ALK: variants seen among roughly 807,000 people sequenced by gnomAD.
The protein encoded by ALK is ALK tyrosine kinase receptor.
ALK carries 74 observed loss-of-function variants against 163.1 expected under a neutral mutation model. That is an observed-to-expected ratio of 0.45 (90% CI 0.38 to 0.55). ALK has a LOEUF of 0.55. ALK is among the 20% of genes least tolerant of loss of function. The probability of loss-of-function intolerance (pLI) is 0.00; values close to 1 mark genes in which losing one functional copy is unlikely to be tolerated. For missense variants in ALK, 2,063 were observed against 2,105.3 expected, an observed-to-expected ratio of 0.98 and a Z score of 0.39; for synonymous variants, 960 against 843.2, an observed-to-expected ratio of 1.14 and a Z score of -2.40.
At chr2:29,432,055 GC>G (rs1670285317) in intron 4 of ALK, among the ~76,000 whole-genome samples, 1 of 152,038 alleles carries the variant, frequency 6.6e-6, no homozygotes, top group Admixed American at 6.6e-5. Flanking sequence ...GAATGCCCCT[GC>G]CCTGCTACCA....
intron 1 of ALK, among the ~76,000 whole-genome samples, chr2:29,900,044 A>G (rs1667373676): frequency 1.3e-5 from 2 of 152,146 alleles, no homozygotes; most frequent in South Asian, 4.1e-4. Flanking sequence ...TTGACCTAAA[A>G]TCCTCACTAT....
chr2:29,208,044 C>G, intron 25 of ALK: 1 of 454,042 alleles, frequency 2.2e-6, no homozygotes. Flanking sequence ...GTATCAGGTA[C>G]TCTGCCATGT....
intron 5 of ALK, among the ~76,000 whole-genome samples, chr2:29,339,449 G>A (rs560995611): frequency 6.6e-6 from 1 of 152,308 alleles, no homozygotes; most frequent in Admixed American, 6.5e-5. Flanking sequence ...GTTATGAGGG[G>A]TGGCTGCGGA....
intron 11 of ALK, among the ~76,000 whole-genome samples, chr2:29,253,160 T>C (rs1218070505): frequency 6.6e-6 from 1 of 152,190 alleles, no homozygotes; most frequent in Non-Finnish European, 1.5e-5. Context: ...GCCCATCCTC[T>C]ATTTTTATTA....
chr2:29,841,305 A>AAACACTTATAGCTTTAT (rs1257211143), intron 1 of ALK, among the ~76,000 whole-genome samples: 1 of 152,228 alleles, frequency 6.6e-6, no homozygotes, highest in African/African-American at 2.4e-5. Flanking sequence ...GTGTTTTATA[A>AAACACTTATAGCTTTAT]AGCTCTATCA....
At chr2:29,610,723 T>C (rs138453242) in intron 3 of ALK, among the ~76,000 whole-genome samples, 1 of 152,184 alleles carries the variant, frequency 6.6e-6, no homozygotes, top group African/African-American at 2.4e-5. Context: ...AATGTTACTC[T>C]GTATCTCATT....
intron 4 of ALK, among the ~76,000 whole-genome samples, chr2:29,448,174 C>T (rs78795908): frequency 0.013 from 2,045 of 152,270 alleles, 31 homozygotes; most frequent in Non-Finnish European, 0.02. Flanking sequence ...CAGTTCGAAT[C>T]AAATCTCTAA....
At chr2:29,253,459 T>C (rs1664873792) in intron 11 of ALK, among the ~76,000 whole-genome samples, 2 of 152,166 alleles carry the variant, frequency 1.3e-5, no homozygotes, top group Admixed American at 1.3e-4. Context: ...GTAGGAAATT[T>C]CGCTGCTAAG....
chr2:29,850,997 C>T lies in ALK; in HGVS notation c.667+68996G>A, dbSNP rs148142043. On this transcript the variant is annotated intron_variant, in intron 1 of 28. Coordinates refer to ENST00000389048, the MANE Select transcript of ALK (RefSeq NM_004304.5). The stretch of plus-strand genomic sequence containing the variant: ...TGTCCTCTCACCCAGCTTCTCAATC[C>T]CCTGAAAGGAGTTGCGTAACTTTCT... 4.0e-3 allele frequency among the ~76,000 whole-genome samples: 604 copies of T among 152,292 alleles called. 1 individual carries two copies. Among genetic ancestry groups the T allele is most frequent in the Non-Finnish European group, 5.6e-3 (378 of 68,028 alleles).
chr2:29,368,953 TAAAC>T (rs1367259943), intron 5 of ALK, among the ~76,000 whole-genome samples: 1 of 152,086 alleles, frequency 6.6e-6, no homozygotes, highest in Non-Finnish European at 1.5e-5. Context: ...GCAAAACAAA[TAAAC>T]AAACATACAT....
intron 7 of ALK, among the ~76,000 whole-genome samples, chr2:29,319,693 G>A (rs977096518): frequency 2.6e-5 from 4 of 152,232 alleles, no homozygotes; most frequent in Admixed American, 2.6e-4. Context: ...GCGGTATTCC[G>A]CAGGGCTGGA....
rs980117292 is a variant in ALK at position 29,222,715 on chromosome 2, C to T, written c.3360-108G>A. The T allele has an allele frequency of 1.7e-5, 16 of 917,790 alleles. No individual in the cohort carries two copies. The African/African-American group carries it at 2.3e-4, about 13-fold the overall frequency. 56.9% of individuals were successfully genotyped at this position (917,790 alleles called of 1,614,324 possible). A position where few individuals can be genotyped will look rare whatever the true frequency, so the allele number is the denominator to read the frequency against. On this transcript the variant is annotated intron_variant, in intron 20 of 28. Coordinates refer to ENST00000389048, the MANE Select transcript of ALK (RefSeq NM_004304.5). ...ACATTTAGTGGACAAACACGAGAGG[C>T]GGGGGTAACATACACACTCAGGAGT... is the stretch of plus-strand genomic sequence containing the variant.
At chr2:29,442,922 G>A (rs1670582608) in intron 4 of ALK, among the ~76,000 whole-genome samples, 1 of 152,176 alleles carries the variant, frequency 6.6e-6, no homozygotes, top group African/African-American at 2.4e-5. Context: ...ACCTGAAAGG[G>A]ACAAAGCGTG....
chr2:29,342,821 G>T (rs186711781), intron 5 of ALK, among the ~76,000 whole-genome samples: 9 of 151,174 alleles, frequency 6.0e-5, no homozygotes, highest in Admixed American at 5.9e-4. Context: ...GAACTACAGT[G>T]CCCTGGCAGT....
intron 1 of ALK, among the ~76,000 whole-genome samples, chr2:29,861,033 A>G (rs962140129): frequency 1.3e-5 from 2 of 152,234 alleles, no homozygotes; most frequent in East Asian, 3.9e-4. Flanking sequence ...GTGGTTGGGT[A>G]TGGTGGCATG....
At chr2:29,255,581 T>C (rs769643343) in intron 11 of ALK, among the ~76,000 whole-genome samples, 2 of 152,160 alleles carry the variant, frequency 1.3e-5, no homozygotes, top group African/African-American at 2.4e-5. Context: ...CCTATCAGTA[T>C]TGGAGAAGGA....
chr2:29,349,351 C>A (rs748023054), intron 5 of ALK, among the ~76,000 whole-genome samples: 5 of 152,170 alleles, frequency 3.3e-5, no homozygotes, highest in African/African-American at 7.2e-5. Context: ...TTGTTTGTAG[C>A]CTCATCAGGG....
At chr2:29,380,910 C>G (rs1668880083) in intron 5 of ALK, among the ~76,000 whole-genome samples, 1 of 152,150 alleles carries the variant, frequency 6.6e-6, no homozygotes, top group Non-Finnish European at 1.5e-5. Flanking sequence ...CAAACCATAT[C>G]AAGTATCTAG....
intron 4 of ALK, among the ~76,000 whole-genome samples, chr2:29,426,632 T>C (rs1354469094): frequency 1.3e-5 from 2 of 152,032 alleles, no homozygotes; most frequent in African/African-American, 4.8e-5. Flanking sequence ...CAGACAATAA[T>C]TAGACACCCC....
Sources: gnomAD v4.1 joint callset for allele counts (sites outside exome capture counted in the v4.1 genomes callset) on GRCh38, gnomAD v4.1.1 for gene constraint, MANE v1.5 for transcripts, NCBI Gene and HGNC (gene_info 2026-07-23, HGNC 2026-07-21) for gene names.